EVL: variants seen among roughly 807,000 people sequenced by gnomAD.
EVL encodes ena/VASP-like protein.
Under a neutral mutation model 59.6 loss-of-function variants are expected in EVL, and 21 were observed. The observed-to-expected ratio is 0.35, with a 90% CI of 0.25 to 0.51. The LOEUF (loss-of-function observed/expected upper bound fraction) is 0.51, where lower values mean the gene tolerates loss of function less well. Among genes scored for constraint, EVL ranks in the 20% least tolerant of loss-of-function variants. The pLI is 0.97. For missense variants in EVL, 462 were observed against 546.6 expected (o/e 0.85, Z 1.54); for synonymous variants, 198 against 203.5 (o/e 0.97, Z 0.23).
rs576723835 is a variant in EVL, at chr14:100,131,961, G to A, written c.840-758G>A. Among the ~76,000 whole-genome samples the A allele has an allele frequency of 2.6e-5, 4 of 152,166 alleles. No individual in the cohort carries two copies. In the South Asian group the frequency reaches 6.2e-4, roughly 24 times the overall value. ...CACAGACAGGTGACAGCCTGGCCAC[G>A]GCCCATTATCACACCTCAGACCAGC... is the stretch of plus-strand genomic sequence containing the variant. On this transcript the variant is annotated intron_variant, in intron 7 of 13. Coordinates refer to ENST00000392920, the MANE Select transcript of EVL (RefSeq NM_016337.3).
intron 13 of EVL, among the ~76,000 whole-genome samples, chr14:100,142,563 TCA>T (rs2140412426): frequency 6.6e-6 from 1 of 152,256 alleles, no homozygotes; most frequent in South Asian, 2.1e-4. Context: ...CCCCAGGGCA[TCA>T]CAGTGACCGG....
intron 3 of EVL, among the ~76,000 whole-genome samples, chr14:100,119,532 T>C (rs145227400): frequency 6.6e-6 from 1 of 152,136 alleles, no homozygotes; most frequent in Non-Finnish European, 1.5e-5. Context: ...AAGAAAGCGC[T>C]CCACCGAGGG....
chr14:100,141,625 C>T, intron 12 of EVL, 111 bp from the exon 13 acceptor site: 1 of 960,692 alleles, frequency 1.0e-6, no homozygotes, highest in Non-Finnish European at 1.5e-6. Context: ...GTGACAGATG[C>T]AACTCTGGAG....
At chr14:100,067,165 A>G (rs552145135) in intron 1 of EVL, among the ~76,000 whole-genome samples, 5 of 152,350 alleles carry the variant, frequency 3.3e-5, no homozygotes, top group Admixed American at 6.5e-5. Context: ...GCCTGGCACC[A>G]TAGTGACAGT....
chr14:100,109,588 C>T lies in EVL; in HGVS notation c.358+11930C>T. ...GCCTCTCATAGCCTGGCACTTCCTGCCATTGCATCCTTCTCTGCAGACTAA... is the reference window on the plus strand; with the variant it reads ...GCCTCTCATAGCCTGGCACTTCCTGTCATTGCATCCTTCTCTGCAGACTAA... On this transcript the variant is annotated intron_variant, in intron 3 of 13. Transcript: ENST00000392920. The surrounding 1 kb of genome is among the most constrained non-coding windows in gnomAD (Gnocchi z 4.3). The T allele has an allele frequency of 4.1e-6, 2 of 489,314 alleles. No homozygotes were observed. The highest frequency in any genetic ancestry group is 3.0e-5 in the South Asian group (2 of 66,192). 30.3% of individuals were successfully genotyped at this position (489,314 alleles called of 1,614,324 possible).
chr14:100,016,987 C>T (rs1478478672), intron 1 of EVL, among the ~76,000 whole-genome samples: 1 of 152,192 alleles, frequency 6.6e-6, no homozygotes, highest in Non-Finnish European at 1.5e-5. Flanking sequence ...CAAATAAGTC[C>T]TCTTCTGGAG....
intron 2 of EVL, among the ~76,000 whole-genome samples, chr14:100,088,973 A>G (rs1036347095): frequency 6.6e-6 from 1 of 152,254 alleles, no homozygotes; most frequent in African/African-American, 2.4e-5. Flanking sequence ...AACCTTACAA[A>G]CACCAAAAGA....
At chr14:99,998,801 A>G (rs2060928990) in intron 1 of EVL, among the ~76,000 whole-genome samples, 1 of 152,084 alleles carries the variant, frequency 6.6e-6, no homozygotes, top group Non-Finnish European at 1.5e-5. Flanking sequence ...TGATTCTCAC[A>G]AAAAACCCTC....
chr14:99,975,318 T>G (rs2060762914), intron 1 of EVL, among the ~76,000 whole-genome samples: 1 of 152,244 alleles, frequency 6.6e-6, no homozygotes, highest in Non-Finnish European at 1.5e-5. Context: ...TTCTATACTG[T>G]CCCTAGTATG....
intron 1 of EVL, among the ~76,000 whole-genome samples, chr14:100,013,712 A>C (rs1390976140): frequency 6.6e-6 from 1 of 152,140 alleles, no homozygotes; most frequent in Admixed American, 6.5e-5. Context: ...GCACAGGTGG[A>C]GGTGATATGG....
At chr14:100,075,943 G>C (rs947912026) in intron 1 of EVL, among the ~76,000 whole-genome samples, 3 of 152,142 alleles carry the variant, frequency 2.0e-5, no homozygotes, top group Admixed American at 6.5e-5. Context: ...GCAGTGATCT[G>C]TTTTTCTTGA....
At chr14:99,980,608 C>G (rs1057179282) in intron 1 of EVL, among the ~76,000 whole-genome samples, 1 of 152,186 alleles carries the variant, frequency 6.6e-6, no homozygotes, top group Non-Finnish European at 1.5e-5. Flanking sequence ...ATTTCTCACC[C>G]TTAGCCTATA....
At chr14:100,098,834 C>T (rs1025030611) in intron 3 of EVL, among the ~76,000 whole-genome samples, 3 of 152,130 alleles carry the variant, frequency 2.0e-5, no homozygotes, top group Admixed American at 6.5e-5. Context: ...GCCTCAATTT[C>T]CTTACCTATA....
chr14:100,113,184 G>A (rs1051112732), intron 3 of EVL, among the ~76,000 whole-genome samples: 21 of 152,096 alleles, frequency 1.4e-4, no homozygotes, highest in African/African-American at 3.6e-4. Context: ...CGGCACAGAG[G>A]CATGTGAACC....
chr14:100,144,141 G>A lies in EVL; in HGVS notation c.*403G>A. On this transcript the variant is annotated 3_prime_UTR_variant, in exon 14 of 14. Coordinates refer to ENST00000392920, the MANE Select transcript of EVL (RefSeq NM_016337.3). ...CCACCACACACCGCAGAGCTGTCCAGGCACAGCTCCGTCCCCAGCGCTCAT... is the reference window on the plus strand; with the variant it reads ...CCACCACACACCGCAGAGCTGTCCAAGCACAGCTCCGTCCCCAGCGCTCAT... 1 of 249,514 alleles carries A rather than the reference G, an allele frequency of 4.0e-6. No individual in the cohort carries two copies. The highest frequency in any genetic ancestry group is 5.1e-5 in the Admixed American group (1 of 19,726). 15.5% of individuals were successfully genotyped at this position (249,514 alleles called of 1,614,324 possible).
intron 1 of EVL, among the ~76,000 whole-genome samples, chr14:100,029,269 T>A (rs1026163185): frequency 5.9e-5 from 9 of 152,204 alleles, no homozygotes; most frequent in African/African-American, 2.2e-4. Flanking sequence ...GGTCTCTATG[T>A]CTCCTGCTGA....
intron 1 of EVL, among the ~76,000 whole-genome samples, chr14:100,038,519 T>A (rs2061420003): frequency 6.6e-6 from 1 of 152,222 alleles, no homozygotes; most frequent in South Asian, 2.1e-4. Context: ...CAGGATACTG[T>A]CTTAACAAGC....
At chr14:100,101,553 G>C in intron 3 of EVL, among the ~76,000 whole-genome samples, 1 of 152,174 alleles carries the variant, frequency 6.6e-6, no homozygotes. Context: ...TGAGACAGGA[G>C]AATCACTTGA....
intron 9 of EVL, 56 bp downstream of exon 9, chr14:100,136,024 G>A: frequency 6.3e-7 from 1 of 1,595,496 alleles, no homozygotes; most frequent in Non-Finnish European, 8.6e-7. Context: ...GAGTGGGAGG[G>A]GGGACCCTTC....
Sources: allele counts gnomAD v4.1 joint callset (sites outside exome capture counted in the v4.1 genomes callset), GRCh38; gene constraint gnomAD v4.1.1; non-coding constraint Gnocchi (gnomAD v3.1); transcripts MANE v1.5; gene names NCBI Gene and HGNC (gene_info 2026-07-23, HGNC 2026-07-21).